MTMR9: variants seen among roughly 807,000 people sequenced by gnomAD.
MTMR9 encodes the protein myotubularin related protein 9, also known as myotubularin-related protein 9.
MTMR9 carries 39 observed loss-of-function variants against 69.5 expected under a neutral mutation model. The observed-to-expected ratio is 0.56, with a 90% CI of 0.43 to 0.73. The LOEUF (loss-of-function observed/expected upper bound fraction) is 0.73, where lower values mean the gene tolerates loss of function less well. MTMR9 is among the 30% of genes least tolerant of loss of function. The pLI, the probability that MTMR9 is intolerant of heterozygous loss-of-function variation, is 0.00. For missense variants in MTMR9, 900 were observed against 671.2 expected, an observed-to-expected ratio of 1.34 and a Z score of -3.77; for synonymous variants, 354 against 240.8, an observed-to-expected ratio of 1.47 and a Z score of -4.35.
chr8:11,287,097 C>G (rs1457271156), intron 1 of MTMR9, among the ~76,000 whole-genome samples: 1 of 152,170 alleles, frequency 6.6e-6, no homozygotes, highest in Non-Finnish European at 1.5e-5. Flanking sequence ...TTAACCATTT[C>G]GACCGCTACC....
the MTMR9 span, among the ~76,000 whole-genome samples, chr8:11,335,088 C>T: frequency 6.6e-6 from 1 of 152,104 alleles, no homozygotes; most frequent in African/African-American, 2.4e-5. Context: ...TGCAATGAGA[C>T]AGAAACAGAA....
chr8:11,288,558 G>A (rs539213885), intron 1 of MTMR9, among the ~76,000 whole-genome samples: 2 of 152,042 alleles, frequency 1.3e-5, no homozygotes, highest in Admixed American at 6.6e-5. Context: ...AGGGAACAGC[G>A]AATACAAAGA....
downstream of MTMR9, among the ~76,000 whole-genome samples, chr8:11,329,642 G>A (rs1801115408): frequency 1.3e-5 from 2 of 152,244 alleles, no homozygotes; most frequent in Non-Finnish European, 2.9e-5. Context: ...CTGGAGTGCA[G>A]TGGCGTGATC....
In MTMR9 at chr8:11,284,953, A is replaced by T. The variant is rs1799089377; in HGVS notation, c.65A>T (p.Tyr22Phe). The T allele has an allele frequency of 1.2e-6, 2 of 1,613,676 alleles. No homozygotes were observed. Among genetic ancestry groups the T allele is most frequent in the Non-Finnish European group, 1.7e-6 (2 of 1,179,876 alleles). ...AATGTGGTGCTGCACCGGCCTTTCT[A>T]CCCGGCTGTCGAGGGCACCCTGTGC... ...VDNVVLHRPFYPAVEGTLCLT... is the reference protein window; with the variant it reads ...VDNVVLHRPFFPAVEGTLCLT... Residue 22 changes from tyrosine (Y) to phenylalanine (F), a missense_variant, in exon 1 of 10, where the codon TAC becomes TTC. Coordinates refer to ENST00000221086, the MANE Select transcript of MTMR9 (RefSeq NM_015458.4).
intron 5 of MTMR9, among the ~76,000 whole-genome samples, chr8:11,306,631 A>G (rs75155407): frequency 6.6e-6 from 1 of 152,080 alleles, no homozygotes; most frequent in African/African-American, 2.4e-5. Flanking sequence ...ATTTTGATAT[A>G]CATATACATT....
chr8:11,291,104 T>G (rs2736385), intron 1 of MTMR9, among the ~76,000 whole-genome samples: 2 of 151,846 alleles, frequency 1.3e-5, no homozygotes, highest in Non-Finnish European at 2.9e-5. Context: ...GACATTGACA[T>G]TGGTGCAGTA....
downstream of MTMR9, among the ~76,000 whole-genome samples, chr8:11,330,292 T>TG (rs975868781): frequency 2.2e-4 from 33 of 147,706 alleles, no homozygotes; most frequent in Non-Finnish European, 4.2e-4. Flanking sequence ...GGGAGGGAGG[T>TG]GGGGGGTCAG....
chr8:11,295,676 T>C (rs1799529897), intron 2 of MTMR9, among the ~76,000 whole-genome samples: 1 of 152,348 alleles, frequency 6.6e-6, no homozygotes, highest in Middle Eastern at 3.4e-3. Context: ...TTGGGAGAAA[T>C]TTTAAAGTTT....
intron 6 of MTMR9, among the ~76,000 whole-genome samples, chr8:11,310,663 A>G (rs949564869): frequency 6.6e-6 from 1 of 152,324 alleles, no homozygotes; most frequent in South Asian, 2.1e-4. Flanking sequence ...GTTCTGTGGC[A>G]GAGAAATAAC....
At chr8:11,285,290 C>A (rs916270931) in intron 1 of MTMR9, 1 of 496,594 alleles carries the variant, frequency 2.0e-6, no homozygotes, top group South Asian at 3.0e-5. Context: ...TATCGTGTGG[C>A]TGGTACCATC....
chr8:11,331,564 G>T (rs1801230170), downstream of MTMR9: 4 of 1,613,828 alleles, frequency 2.5e-6, no homozygotes, highest in African/African-American at 1.3e-5. Flanking sequence ...GAGAGCCAGG[G>T]TCTCGGTGGC....
chr8:11,328,554 G>A (rs1033245523), downstream of MTMR9, among the ~76,000 whole-genome samples: 1 of 152,110 alleles, frequency 6.6e-6, no homozygotes, highest in African/African-American at 2.4e-5. Flanking sequence ...CTTTCTTAGA[G>A]TAGAATGCCA....
In MTMR9 at chr8:11,285,064, A is replaced by T. The variant is rs776106544; in HGVS notation, c.176A>T (p.Asp59Val). 1 of 1,604,218 alleles carries T rather than the reference A, an allele frequency of 6.2e-7. No individual in the cohort carries two copies. The highest frequency in any genetic ancestry group is 1.1e-5 in the South Asian group (1 of 90,062). The change falls in exon 1 of 10, where the codon GAC (aspartate) becomes GTC (valine). Residue 59 changes from aspartate to valine, a missense_variant. Transcript: ENST00000221086. ...WLLHSNIDAI[D>V]KRFVGSLGTI... ...CTCCATTCAAACATCGACGCCATCG[A>T]CAAGCGGTGAGTGCCCGCCCCACCC...
chr8:11,331,524 G>C (rs145196437), downstream of MTMR9: 17 of 1,613,838 alleles, frequency 1.1e-5, no homozygotes, highest in East Asian at 3.8e-4. Context: ...TTCTTCCACC[G>C]TATGCTCCGC....
At position 11,287,800 on chromosome 8, in the gene MTMR9, TATTATATAATACATATA is replaced by T. The variant is rs1234048328; in HGVS notation, c.182+2733_182+2749del. Among the ~76,000 whole-genome samples the T allele has an allele frequency of 1.2e-4, 3 of 25,082 alleles. No homozygotes were observed. In the East Asian group the frequency reaches 0.015, roughly 128 times the overall value. The allele number at this position is 25,082 out of a possible 152,430, so 16.5% of individuals were successfully genotyped here. ...TTTATTATATATTATATATAATACA[TATTATATAATACATATA>T]ATATATAATATATAACATTATATAT... On this transcript the variant is annotated intron_variant, in intron 1 of 9. Transcript: ENST00000221086.
At chr8:11,334,691 T>C in the MTMR9 span, among the ~76,000 whole-genome samples, 2 of 152,178 alleles carry the variant, frequency 1.3e-5, no homozygotes, top group Non-Finnish European at 2.9e-5. Flanking sequence ...GTAATCACTT[T>C]TCAATCAGAA....
the MTMR9 span, among the ~76,000 whole-genome samples, chr8:11,338,478 T>G: frequency 6.6e-6 from 1 of 152,174 alleles, no homozygotes; most frequent in African/African-American, 2.4e-5. Flanking sequence ...AATTTCAGAA[T>G]AGCAGAGGAC....
At chr8:11,292,991 T>C (rs1799421347) in intron 1 of MTMR9, among the ~76,000 whole-genome samples, 1 of 152,258 alleles carries the variant, frequency 6.6e-6, no homozygotes, top group Non-Finnish European at 1.5e-5. Context: ...TAGAGTATAC[T>C]GCTTATACTT....
In MTMR9 at chr8:11,284,894, G is replaced by A. The variant is rs1799085949; in HGVS notation, c.6G>A (p.Glu2=). The change falls in exon 1 of 10, where the codon GAG becomes GAA. Residue 2 remains glutamate, a synonymous_variant. Coordinates refer to ENST00000221086, the MANE Select transcript of MTMR9 (RefSeq NM_015458.4). Reference sequence around the variant, plus strand: ...GGCTCCGGCCGCGGGGGAGCATGGAGTTTGCGGAGCTGATTAAGACCCCGC... The same window carrying A: ...GGCTCCGGCCGCGGGGGAGCATGGAATTTGCGGAGCTGATTAAGACCCCGC... M[E]FAELIKTPRV... is the part of the protein sequence containing the mutation. 1.9e-6 allele frequency: 3 copies of A among 1,603,496 alleles called. No individual in the cohort carries two copies. Among genetic ancestry groups the A allele is most frequent in the Non-Finnish European group, 2.6e-6 (3 of 1,174,892 alleles).
Sources: allele counts gnomAD v4.1 joint callset (sites outside exome capture counted in the v4.1 genomes callset), GRCh38; gene constraint gnomAD v4.1.1; transcripts MANE v1.5; gene names NCBI Gene and HGNC (gene_info 2026-07-23, HGNC 2026-07-21).